DRC8: variants seen among roughly 807,000 people sequenced by gnomAD.
The protein encoded by DRC8 is dynein regulatory complex subunit 8, also known as dynein regulatory complex protein 8.
the DRC8 span, among the ~76,000 whole-genome samples, chr1:245,050,096 AG>A: frequency 1.3e-5 from 2 of 152,190 alleles, no homozygotes; most frequent in African/African-American, 2.4e-5. Context: ...TCCTGGTATA[AG>A]GGGAGAGGGA....
the DRC8 span, among the ~76,000 whole-genome samples, chr1:244,999,252 C>T: frequency 8.0e-5 from 12 of 150,580 alleles, no homozygotes; most frequent in Non-Finnish European, 1.8e-4. Context: ...CCTCCTGATC[C>T]AACTTTAACC....
At chr1:245,116,436 T>G in the DRC8 span, among the ~76,000 whole-genome samples, 2 of 152,024 alleles carry the variant, frequency 1.3e-5, no homozygotes, top group Admixed American at 1.3e-4. Context: ...TTGAGGAGTC[T>G]AGAAATTAGG....
At chr1:244,994,889 ATG>A in the DRC8 span, among the ~76,000 whole-genome samples, 1 of 152,238 alleles carries the variant, frequency 6.6e-6, no homozygotes, top group South Asian at 2.1e-4. Flanking sequence ...ATACTGTATT[ATG>A]TTTTCCTGGC....
At chr1:245,065,892 C>G in the DRC8 span, among the ~76,000 whole-genome samples, 1 of 151,746 alleles carries the variant, frequency 6.6e-6, no homozygotes, top group African/African-American at 2.4e-5. Context: ...TCTCGAAACT[C>G]CTGCAGGGAT....
the DRC8 span, among the ~76,000 whole-genome samples, chr1:245,058,981 G>A: frequency 6.6e-6 from 1 of 152,122 alleles, no homozygotes; most frequent in Non-Finnish European, 1.5e-5. Flanking sequence ...GTGGTTTGGC[G>A]CTAGAGGCCA....
chr1:245,003,281 T>TA, the DRC8 span, among the ~76,000 whole-genome samples: 1 of 152,228 alleles, frequency 6.6e-6, no homozygotes, highest in African/African-American at 2.4e-5. Context: ...AGTTCCCACT[T>TA]ACAATACTTT....
the DRC8 span, among the ~76,000 whole-genome samples, chr1:244,985,878 T>A: frequency 2.0e-5 from 3 of 147,092 alleles, no homozygotes; most frequent in Admixed American, 6.8e-5. Context: ...AAAAAAAAAA[T>A]ACATAATTGT....
chr1:245,082,237 C>A, the DRC8 span: 2 of 1,328,086 alleles, frequency 1.5e-6, no homozygotes, highest in Non-Finnish European at 1.1e-6. Context: ...GGACGCTTGG[C>A]TTTTTCACTT....
chr1:245,080,863 C>T, the DRC8 span, among the ~76,000 whole-genome samples: 6 of 152,140 alleles, frequency 3.9e-5, no homozygotes, highest in Non-Finnish European at 5.9e-5. Flanking sequence ...AAGGCCCTGC[C>T]GTCGGGCCCC....
chr1:245,087,053 T>G, the DRC8 span: 1 of 792,936 alleles, frequency 1.3e-6, no homozygotes, highest in Non-Finnish European at 2.0e-6. Flanking sequence ...AAGTCCAGAA[T>G]CTACCAGGGT....
At chr1:245,041,550 T>C in the DRC8 span, among the ~76,000 whole-genome samples, 3 of 152,198 alleles carry the variant, frequency 2.0e-5, no homozygotes, top group African/African-American at 7.2e-5. Context: ...TGGCAGTAAG[T>C]TGTAAGATGT....
the DRC8 span, among the ~76,000 whole-genome samples, chr1:244,985,655 G>C: frequency 1.3e-5 from 2 of 152,096 alleles, no homozygotes; most frequent in African/African-American, 4.8e-5. Context: ...CTCGAGGCCA[G>C]GAGTTCAAGA....
At chr1:244,987,819 A>G in the DRC8 span, among the ~76,000 whole-genome samples, 16 of 152,022 alleles carry the variant, frequency 1.1e-4, 1 homozygote. Flanking sequence ...TTATTATTTT[A>G]TCTTAATTTC....
chr1:244,970,771 G>GCCCCGTCCTCCTT, the DRC8 span: 2 of 377,028 alleles, frequency 5.3e-6, no homozygotes, highest in South Asian at 9.0e-5. Context: ...CCCTCCTCCC[G>GCCCCGTCCTCCTT]CCCCGTCCTC....
the DRC8 span, among the ~76,000 whole-genome samples, chr1:245,041,386 G>C: frequency 1.3e-5 from 2 of 152,124 alleles, no homozygotes; most frequent in African/African-American, 4.8e-5. Flanking sequence ...TTTTAAGCAG[G>C]GCATTACATG....
the DRC8 span, among the ~76,000 whole-genome samples, chr1:244,977,145 T>C: frequency 6.6e-6 from 1 of 152,010 alleles, no homozygotes; most frequent in Non-Finnish European, 1.5e-5. Flanking sequence ...GAGAGGAGAA[T>C]GGGAAGTTGT....
the DRC8 span, among the ~76,000 whole-genome samples, chr1:245,051,980 C>T: frequency 6.6e-5 from 10 of 152,122 alleles, no homozygotes; most frequent in Non-Finnish European, 1.2e-4. Flanking sequence ...TTAATAATAG[C>T]ACCCAGTGAT....
chr1:244,989,905 C>A, the DRC8 span, among the ~76,000 whole-genome samples: 1 of 152,184 alleles, frequency 6.6e-6, no homozygotes, highest in South Asian at 2.1e-4. Context: ...CAGAAATAAA[C>A]CATTCATTTT....
At chr1:245,114,937 G>T in the DRC8 span, among the ~76,000 whole-genome samples, 212 of 152,190 alleles carry the variant, frequency 1.4e-3, no homozygotes, top group African/African-American at 4.7e-3. Context: ...TGTTGGTCAG[G>T]ATGGTCTCGA....
Sources: gnomAD v4.1 joint callset for allele counts (sites outside exome capture counted in the v4.1 genomes callset) on GRCh38, gnomAD v4.1.1 for gene constraint, MANE v1.5 for transcripts, NCBI Gene and HGNC (gene_info 2026-07-23, HGNC 2026-07-21) for gene names.